PDE1A: variants seen among roughly 807,000 people sequenced by gnomAD.
PDE1A encodes the protein dual specificity calcium/calmodulin-dependent 3',5'-cyclic nucleotide phosphodiesterase 1A.
Under a neutral mutation model 61.7 loss-of-function variants are expected in PDE1A, and 35 were observed. The observed-to-expected ratio is 0.57, with a 90% CI of 0.43 to 0.75. PDE1A has a LOEUF of 0.75. Ranked by LOEUF, PDE1A falls within the 30% of genes least tolerant of loss-of-function variation. The probability of loss-of-function intolerance (pLI) is 0.00; values close to 1 mark genes in which losing one functional copy is unlikely to be tolerated. For synonymous variants in PDE1A, 232 were observed against 213.2 expected, an observed-to-expected ratio of 1.09 and a Z score of -0.77; for missense variants, 597 against 630.6, an observed-to-expected ratio of 0.95 and a Z score of 0.57.
At chr2:182,608,068 T>C in the PDE1A span, among the ~76,000 whole-genome samples, 2 of 152,108 alleles carry the variant, frequency 1.3e-5, no homozygotes, top group African/African-American at 4.8e-5. Flanking sequence ...AAAAACAGCC[T>C]CAGAAGCAAG....
chr2:182,606,858 G>C, the PDE1A span, among the ~76,000 whole-genome samples: 1 of 152,156 alleles, frequency 6.6e-6, no homozygotes, highest in Non-Finnish European at 1.5e-5. Context: ...CAAGTACAAA[G>C]GTGTCACCAA....
chr2:182,205,295 C>T (rs956143455), intron 8 of PDE1A, among the ~76,000 whole-genome samples: 4 of 151,898 alleles, frequency 2.6e-5, no homozygotes, highest in African/African-American at 9.7e-5. Flanking sequence ...TTGTGAAGTC[C>T]AGCAACCCTA....
At chr2:182,704,211 G>A in the PDE1A span, among the ~76,000 whole-genome samples, 68 of 120,136 alleles carry the variant, frequency 5.7e-4, no homozygotes, top group Admixed American at 6.8e-4. Flanking sequence ...ACTCCGTCTG[G>A]AAAAAAAAAA....
chr2:182,584,732 C>T, the PDE1A span, among the ~76,000 whole-genome samples: 1 of 152,208 alleles, frequency 6.6e-6, no homozygotes, highest in African/African-American at 2.4e-5. Context: ...ACTGTCAGCA[C>T]TTGTGGTTGA....
At chr2:182,470,154 A>C (rs1322526052) in intron 2 of PDE1A, among the ~76,000 whole-genome samples, 1 of 151,950 alleles carries the variant, frequency 6.6e-6, no homozygotes, top group South Asian at 2.1e-4. Flanking sequence ...TTTAATTTAT[A>C]AAAAGCACAA....
chr2:182,445,468 G>A (rs535414300), intron 2 of PDE1A, among the ~76,000 whole-genome samples: 1 of 152,190 alleles, frequency 6.6e-6, no homozygotes, highest in Non-Finnish European at 1.5e-5. Flanking sequence ...TTCCACGGAT[G>A]TCGGTGATTT....
chr2:182,192,525 T>A (rs1685786553), intron 10 of PDE1A, among the ~76,000 whole-genome samples: 1 of 152,150 alleles, frequency 6.6e-6, no homozygotes, highest in Non-Finnish European at 1.5e-5. Context: ...GCCACCTTTA[T>A]AATTTCCTCA....
At chr2:182,490,457 C>T (rs1375656033) in intron 2 of PDE1A, among the ~76,000 whole-genome samples, 1 of 152,202 alleles carries the variant, frequency 6.6e-6, no homozygotes. Context: ...CTGCAAACTG[C>T]CTCCTGGGTT....
intron 1 of PDE1A, among the ~76,000 whole-genome samples, chr2:182,416,000 T>C (rs1024285368): frequency 1.3e-4 from 20 of 152,178 alleles, no homozygotes; most frequent in African/African-American, 4.6e-4. Flanking sequence ...CAAGCCACAC[T>C]TAATCTGCCT....
intron 2 of PDE1A, among the ~76,000 whole-genome samples, chr2:182,241,267 C>T (rs1690485796): frequency 6.6e-6 from 1 of 152,318 alleles, no homozygotes; most frequent in African/African-American, 2.4e-5. Context: ...AGAACACAGG[C>T]CAGCTCTGCC....
chr2:182,430,005 T>C (rs140249173), upstream of PDE1A, among the ~76,000 whole-genome samples: 232 of 152,314 alleles, frequency 1.5e-3, no homozygotes, highest in African/African-American at 5.3e-3. Context: ...TTACAAGTTA[T>C]ATATTTTAAT....
chr2:182,260,664 A>G (rs1431584493), intron 2 of PDE1A, among the ~76,000 whole-genome samples: 1 of 152,174 alleles, frequency 6.6e-6, no homozygotes, highest in Non-Finnish European at 1.5e-5. Flanking sequence ...GTTATTTTTC[A>G]TGGGTGTGGA....
intron 2 of PDE1A, among the ~76,000 whole-genome samples, chr2:182,452,920 G>A (rs1179443560): frequency 6.6e-6 from 1 of 151,982 alleles, no homozygotes; most frequent in East Asian, 1.9e-4. Context: ...CTGTAAATAG[G>A]TACTAGCCAA....
chr2:182,312,961 C>A (rs941142006), intron 1 of PDE1A, among the ~76,000 whole-genome samples: 5 of 152,042 alleles, frequency 3.3e-5, no homozygotes, highest in African/African-American at 1.2e-4. Flanking sequence ...TTTGTGACTT[C>A]TTTAATTTCT....
intron 2 of PDE1A, among the ~76,000 whole-genome samples, chr2:182,458,214 G>A (rs1370374461): frequency 2.6e-5 from 4 of 151,936 alleles, no homozygotes; most frequent in South Asian, 2.1e-4. Context: ...ATATGAGAAG[G>A]CTTCCTCAAA....
At chr2:182,682,630 T>G in the PDE1A span, among the ~76,000 whole-genome samples, 9 of 152,218 alleles carry the variant, frequency 5.9e-5, no homozygotes, top group African/African-American at 1.9e-4. Context: ...ATATCAGCTC[T>G]ATGGAATAAT....
intron 13 of PDE1A, among the ~76,000 whole-genome samples, chr2:182,175,067 C>T (rs1159807739): frequency 2.6e-5 from 4 of 152,164 alleles, no homozygotes; most frequent in African/African-American, 7.2e-5. Flanking sequence ...CTGCCAAGGA[C>T]ATGAACTCAT....
At chr2:182,577,170 C>T in the PDE1A span, among the ~76,000 whole-genome samples, 1 of 152,024 alleles carries the variant, frequency 6.6e-6, no homozygotes, top group Non-Finnish European at 1.5e-5. Flanking sequence ...CAATTTTATA[C>T]AGAAAGAATC....
chr2:182,613,768 C>G, the PDE1A span, among the ~76,000 whole-genome samples: 6 of 152,224 alleles, frequency 3.9e-5, no homozygotes, highest in South Asian at 1.0e-3. Flanking sequence ...AATTTTTAAC[C>G]ATGAGTTTCC....
Sources: allele counts gnomAD v4.1 joint callset (sites outside exome capture counted in the v4.1 genomes callset), GRCh38; gene constraint gnomAD v4.1.1; transcripts MANE v1.5; gene names NCBI Gene and HGNC (gene_info 2026-07-23, HGNC 2026-07-21).